Variants in OPHN1 observed in about 807,000 individuals in gnomAD.
OPHN1 encodes the protein oligophrenin 1, also known as oligophrenin-1.
OPHN1 carries 11 observed loss-of-function variants against 60.7 expected under a neutral mutation model. The ratio of observed to expected loss-of-function variants is 0.18; its 90% CI spans 0.11 to 0.30. The LOEUF (loss-of-function observed/expected upper bound fraction) is 0.30. Ranked by LOEUF, OPHN1 falls within the 10% of genes least tolerant of loss-of-function variation. The pLI is 1.00. For synonymous variants in OPHN1, 226 were observed against 222.6 expected, an observed-to-expected ratio of 1.02 and a Z score of -0.14; for missense variants, 449 against 611.0, an observed-to-expected ratio of 0.73 and a Z score of 2.80.
chrX:68,252,743 T>C (rs2077842202), intron 5 of OPHN1, among the ~76,000 whole-genome samples: 1 of 111,876 alleles, frequency 8.9e-6, no homozygotes, highest in South Asian at 3.7e-4. Context: ...TGAATTCTGG[T>C]TGGGGTGCAG....
At chrX:68,394,238 G>A (rs1293554938) in intron 2 of OPHN1, among the ~76,000 whole-genome samples, 1 of 110,942 alleles carries the variant, frequency 9.0e-6, no homozygotes, top group Non-Finnish European at 1.9e-5. Flanking sequence ...GCTCTGAAAT[G>A]CCACCTTTAT....
At chrX:68,064,573 T>C (rs1201418222) in intron 20 of OPHN1, among the ~76,000 whole-genome samples, 1 of 112,322 alleles carries the variant, frequency 8.9e-6, no homozygotes, top group Non-Finnish European at 1.9e-5. Flanking sequence ...TTTGTTAAGG[T>C]CTCTCAAATT....
chrX:68,091,697 G>A (rs1251231472), intron 19 of OPHN1, among the ~76,000 whole-genome samples: 4 of 111,041 alleles, frequency 3.6e-5, no homozygotes, highest in South Asian at 3.8e-4. Context: ...GCTAAGAACC[G>A]CCTTCAGAGA....
intron 6 of OPHN1, among the ~76,000 whole-genome samples, chrX:68,216,242 T>C (rs1324580254): frequency 3.6e-5 from 4 of 110,852 alleles, no homozygotes; most frequent in Non-Finnish European, 5.7e-5. Context: ...AGAAGTATAA[T>C]TTACATGGTA....
intron 5 of OPHN1, among the ~76,000 whole-genome samples, chrX:68,252,235 T>C (rs1036215054): frequency 1.8e-5 from 2 of 112,358 alleles, no homozygotes; most frequent in Non-Finnish European, 3.8e-5. Flanking sequence ...AGCCAACCCA[T>C]AGATGTGTGA....
At chrX:68,047,430 T>C (rs892845637) in intron 24 of OPHN1, among the ~76,000 whole-genome samples, 3 of 111,746 alleles carry the variant, frequency 2.7e-5, no homozygotes, top group African/African-American at 9.8e-5. Context: ...AGAAGCCTGA[T>C]ACTAGAACCT....
At chrX:68,228,149 G>A (rs1446013178) in intron 6 of OPHN1, among the ~76,000 whole-genome samples, 1 of 111,533 alleles carries the variant, frequency 9.0e-6, no homozygotes, top group Non-Finnish European at 1.9e-5. Flanking sequence ...AAATAAACTA[G>A]AAAATCTAGA....
At chrX:68,427,436 C>T (rs933749577) in intron 2 of OPHN1, among the ~76,000 whole-genome samples, 2 of 110,944 alleles carry the variant, frequency 1.8e-5, no homozygotes, top group African/African-American at 6.6e-5. Context: ...ATATGCCATG[C>T]AAAACATAGT....
At chrX:68,362,634 G>A (rs1322295969) in intron 2 of OPHN1, among the ~76,000 whole-genome samples, 1 of 111,127 alleles carries the variant, frequency 9.0e-6, no homozygotes, top group Non-Finnish European at 1.9e-5. Context: ...CAAAGGGAAA[G>A]AGGAAGGGAT....
At chrX:68,305,751 A>G (rs1175152138) in intron 2 of OPHN1, among the ~76,000 whole-genome samples, 1 of 112,684 alleles carries the variant, frequency 8.9e-6, no homozygotes, top group Non-Finnish European at 1.9e-5. Context: ...GGCTTCTAAC[A>G]ACAAAGAATA....
At chrX:68,249,505 C>T (rs745808157) in intron 5 of OPHN1, among the ~76,000 whole-genome samples, 2 of 111,696 alleles carry the variant, frequency 1.8e-5, no homozygotes, top group African/African-American at 6.5e-5. Context: ...TCTGTCCTAG[C>T]CAGAGGAAGT....
intron 2 of OPHN1, among the ~76,000 whole-genome samples, chrX:68,377,280 T>A (rs2078563988): frequency 9.2e-6 from 1 of 108,815 alleles, no homozygotes. Context: ...GTATTTTTGG[T>A]AAAGACAGGG....
chrX:68,286,228 A>G (rs1411993718), intron 3 of OPHN1, among the ~76,000 whole-genome samples: 1 of 111,816 alleles, frequency 8.9e-6, no homozygotes, highest in Non-Finnish European at 1.9e-5. Flanking sequence ...GACTCATTCT[A>G]TAGTCTGCAT....
At chrX:68,370,691 T>C (rs1366959312) in intron 2 of OPHN1, among the ~76,000 whole-genome samples, 1 of 111,890 alleles carries the variant, frequency 8.9e-6, no homozygotes, top group East Asian at 2.8e-4. Context: ...AAATCTATGT[T>C]ATTGAACATA....
At chrX:68,345,728 C>T (rs1389634917) in intron 2 of OPHN1, among the ~76,000 whole-genome samples, 2 of 111,981 alleles carry the variant, frequency 1.8e-5, no homozygotes, top group African/African-American at 3.2e-5. Context: ...TGGTGGCACA[C>T]GCCTGTAGTC....
chrX:68,127,114 G>A (rs2077174963), intron 15 of OPHN1, among the ~76,000 whole-genome samples: 1 of 111,095 alleles, frequency 9.0e-6, no homozygotes, highest in Non-Finnish European at 1.9e-5. Flanking sequence ...GGTAGGAGGA[G>A]GGAAGATGAA....
chrX:68,146,952 G>T (rs1233983303), intron 15 of OPHN1, among the ~76,000 whole-genome samples: 1 of 111,980 alleles, frequency 8.9e-6, no homozygotes, highest in African/African-American at 3.2e-5. Context: ...TTGGAATACT[G>T]TATGATTAAA....
chrX:68,332,144 ACT>A (rs1197660085), intron 2 of OPHN1, among the ~76,000 whole-genome samples: 1 of 111,554 alleles, frequency 9.0e-6, no homozygotes, highest in Admixed American at 9.6e-5. Flanking sequence ...CTATTTTATG[ACT>A]CTGTGCTTTT....
chrX:68,105,380 C>G (rs777525759), intron 18 of OPHN1, among the ~76,000 whole-genome samples: 1 of 110,450 alleles, frequency 9.1e-6, no homozygotes, highest in Non-Finnish European at 1.9e-5. Context: ...CAGCACTATT[C>G]ACAATAGCAA....
Sources: gnomAD v4.1 joint callset for allele counts (sites outside exome capture counted in the v4.1 genomes callset) on GRCh38, gnomAD v4.1.1 for gene constraint, MANE v1.5 for transcripts, NCBI Gene and HGNC (gene_info 2026-07-23, HGNC 2026-07-21) for gene names.